Variants in LARGE1 observed in about 807,000 individuals in gnomAD.
LARGE1 encodes the protein LARGE xylosyl- and glucuronyltransferase 1.
Under a neutral mutation model 87.6 loss-of-function variants are expected in LARGE1, and 43 were observed. That is an observed-to-expected ratio of 0.49 (90% confidence interval 0.38 to 0.63). LARGE1 has a LOEUF of 0.63. LARGE1 is among the 30% of genes least tolerant of loss of function. The pLI is 0.00. For synonymous variants in LARGE1, 434 were observed against 394.6 expected (o/e 1.10, Z -1.18); for missense variants, 802 against 1,000.2 (o/e 0.80, Z 2.67).
intron 2 of LARGE1, among the ~76,000 whole-genome samples, chr22:33,710,019 C>T (rs1242414095): frequency 2.0e-5 from 3 of 149,964 alleles, no homozygotes; most frequent in South Asian, 2.1e-4. Flanking sequence ...TCATCATCAC[C>T]GTATAATTCC....
chr22:33,514,493 C>CA (rs1455955158), intron 6 of LARGE1, among the ~76,000 whole-genome samples: 3 of 152,020 alleles, frequency 2.0e-5, no homozygotes, highest in Non-Finnish European at 4.4e-5. Context: ...ACGAAAGTAA[C>CA]ACAAAATTTA....
chr22:33,830,571 T>C (rs1292342027), intron 1 of LARGE1, among the ~76,000 whole-genome samples: 1 of 152,196 alleles, frequency 6.6e-6, no homozygotes, highest in African/African-American at 2.4e-5. Context: ...GAAATGAGGA[T>C]GCAACAAGTA....
chr22:33,798,205 G>T (rs988773398), intron 1 of LARGE1, among the ~76,000 whole-genome samples: 1 of 152,168 alleles, frequency 6.6e-6, no homozygotes, highest in African/African-American at 2.4e-5. Flanking sequence ...CAGGAGAATT[G>T]CTTGAACCTG....
intron 2 of LARGE1, chr22:33,724,071 G>A (rs1013641469): frequency 3.3e-5 from 5 of 153,296 alleles, no homozygotes; most frequent in African/African-American, 1.2e-4. Context: ...TGCCAACAGG[G>A]ACACGTGCAG....
intron 12 of LARGE1, among the ~76,000 whole-genome samples, chr22:33,287,501 AG>A (rs1194675958): frequency 2.6e-5 from 4 of 152,222 alleles, no homozygotes; most frequent in Non-Finnish European, 4.4e-5. Flanking sequence ...ATGTCCTGAA[AG>A]GGTCTCATTA....
chr22:33,548,271 T>C (rs2077422765), intron 6 of LARGE1, among the ~76,000 whole-genome samples: 2 of 152,248 alleles, frequency 1.3e-5, no homozygotes, highest in Non-Finnish European at 2.9e-5. Context: ...CCATGTAAGA[T>C]GCCTGCCCCC....
rs115089446 is a variant in LARGE1, at chr22:33,683,634, C to T, written c.107-32966G>A. On this transcript the variant is annotated intron_variant, in intron 2 of 14. Coordinates refer to ENST00000397394, the MANE Select transcript of LARGE1 (RefSeq NM_133642.5). ...GGAACAGAATGGTTAGGCAGGCAGG[C>T]AGACAGACAGACAGACAGACAGACG... is the stretch of plus-strand genomic sequence containing the variant. 4.4e-3 allele frequency among the ~76,000 whole-genome samples: 658 copies of T among 150,418 alleles called. 2 individuals are homozygous for T. The highest frequency in any genetic ancestry group is 0.015 in the African/African-American group (639 of 41,284).
At chr22:33,073,009 G>A in the LARGE1 span, among the ~76,000 whole-genome samples, 5 of 152,126 alleles carry the variant, frequency 3.3e-5, no homozygotes, top group African/African-American at 7.2e-5. Context: ...CGTCTCGAGG[G>A]ATATACATTT....
chr22:33,911,911 T>C (rs1027731192), intron 1 of LARGE1, among the ~76,000 whole-genome samples: 7 of 152,170 alleles, frequency 4.6e-5, no homozygotes, highest in Non-Finnish European at 1.0e-4. Flanking sequence ...AAGTCTACTG[T>C]TACTCACCCA....
chr22:33,609,229 A>C (rs1236273629), intron 4 of LARGE1, among the ~76,000 whole-genome samples: 1 of 152,026 alleles, frequency 6.6e-6, no homozygotes, highest in Admixed American at 6.6e-5. Context: ...AATACAAAAA[A>C]CTCCACAAAC....
chr22:33,424,733 G>C (rs1469276599), intron 7 of LARGE1, among the ~76,000 whole-genome samples: 1 of 152,148 alleles, frequency 6.6e-6, no homozygotes, highest in Non-Finnish European at 1.5e-5. Context: ...GCTGAGGTGA[G>C]AGGATCGCTT....
intron 2 of LARGE1, among the ~76,000 whole-genome samples, chr22:33,707,882 G>C (rs1010144465): frequency 6.6e-6 from 1 of 152,154 alleles, no homozygotes; most frequent in Non-Finnish European, 1.5e-5. Context: ...GAGAAAGCCA[G>C]AGAGAAACTA....
chr22:33,754,543 C>T (rs965328735), intron 2 of LARGE1, among the ~76,000 whole-genome samples: 6 of 151,896 alleles, frequency 4.0e-5, no homozygotes, highest in African/African-American at 1.2e-4. Context: ...TCACCGTATT[C>T]GCCAGGATGG....
exon 12 of LARGE1, chr22:33,166,003 C>T (rs1922248548): frequency 6.6e-6 from 1 of 152,140 alleles, no homozygotes; most frequent in African/African-American, 2.4e-5. Flanking sequence ...CCAGAGTAAA[C>T]ACTAGATTTT....
intron 4 of LARGE1, among the ~76,000 whole-genome samples, chr22:33,618,589 T>C (rs2079649191): frequency 6.6e-6 from 1 of 152,258 alleles, no homozygotes; most frequent in Non-Finnish European, 1.5e-5. Context: ...CACGTGCCTA[T>C]GCTATTTTCT....
At chr22:33,644,331 T>C (rs1378353980) in intron 3 of LARGE1, among the ~76,000 whole-genome samples, 1 of 152,196 alleles carries the variant, frequency 6.6e-6, no homozygotes, top group Non-Finnish European at 1.5e-5. Flanking sequence ...TATCAATAGA[T>C]GCAGAGAAGG....
intron 2 of LARGE1, among the ~76,000 whole-genome samples, chr22:33,688,666 C>G (rs926632595): frequency 2.6e-5 from 4 of 152,024 alleles, no homozygotes; most frequent in Non-Finnish European, 5.9e-5. Context: ...TTGTTTTGAA[C>G]TCAGACTTCC....
intron 3 of LARGE1, among the ~76,000 whole-genome samples, chr22:33,627,784 G>C (rs2079968224): frequency 6.6e-6 from 1 of 152,022 alleles, no homozygotes; most frequent in Admixed American, 6.6e-5. Flanking sequence ...CCCCAACTTG[G>C]ACACCTATTC....
intron 6 of LARGE1, among the ~76,000 whole-genome samples, chr22:33,471,918 C>T (rs868079687): frequency 3.2e-4 from 49 of 152,112 alleles, no homozygotes; most frequent in African/African-American, 9.2e-4. Flanking sequence ...GGCGTGGTGG[C>T]GGGTGCCTGT....
Sources: gnomAD v4.1 joint callset for allele counts (sites outside exome capture counted in the v4.1 genomes callset) on GRCh38, gnomAD v4.1.1 for gene constraint, MANE v1.5 for transcripts, NCBI Gene and HGNC (gene_info 2026-07-23, HGNC 2026-07-21) for gene names.